PDE3A: variants seen among roughly 807,000 people sequenced by gnomAD.
The protein encoded by PDE3A is cGMP-inhibited 3',5'-cyclic phosphodiesterase 3A.
PDE3A carries 43 observed loss-of-function variants against 98.3 expected under a neutral mutation model. The observed-to-expected ratio is 0.44, with a 90% CI of 0.34 to 0.56. The LOEUF is 0.56. Ranked by LOEUF, PDE3A falls within the 20% of genes least tolerant of loss-of-function variation. The pLI, the probability that PDE3A is intolerant of heterozygous loss-of-function variation, is 0.01. For missense variants in PDE3A, 1,427 were observed against 1,440.7 expected, an observed-to-expected ratio of 0.99 and a Z score of 0.15; for synonymous variants, 663 against 567.9, an observed-to-expected ratio of 1.17 and a Z score of -2.38.
chr12:20,540,187 C>A (rs181699354), intron 1 of PDE3A, among the ~76,000 whole-genome samples: 71 of 152,218 alleles, frequency 4.7e-4, no homozygotes, highest in African/African-American at 1.7e-3. Flanking sequence ...AGCACAGTTT[C>A]TCAGAGCCTC....
At chr12:20,535,231 T>C (rs111882003) in intron 1 of PDE3A, among the ~76,000 whole-genome samples, 5,980 of 152,304 alleles carry the variant, frequency 0.039, 189 homozygotes, top group Middle Eastern at 0.14. Flanking sequence ...CTAGGATTTC[T>C]CCTCATCCCT....
intron 5 of PDE3A, among the ~76,000 whole-genome samples, chr12:20,627,865 AC>A: frequency 1.3e-5 from 2 of 152,290 alleles, no homozygotes; most frequent in Admixed American, 1.3e-4. Context: ...TAAACTTTCT[AC>A]CACATCATAC....
intron 13 of PDE3A, 36 bp downstream of exon 13, chr12:20,648,927 C>CTT (rs71039963): frequency 0.26 from 233,090 of 879,656 alleles, 22,231 homozygotes; most frequent in South Asian, 0.29. Context: ...TTTTCTTTTT[C>CTT]TTTTTTTTTT....
At chr12:20,398,476 T>A (rs1944061195) in intron 1 of PDE3A, among the ~76,000 whole-genome samples, 2 of 152,064 alleles carry the variant, frequency 1.3e-5, no homozygotes, top group South Asian at 4.1e-4. Context: ...CTTGAGTTTC[T>A]GAGTTATAAA....
chr12:20,501,162 G>A (rs190991397), intron 1 of PDE3A, among the ~76,000 whole-genome samples: 3 of 152,248 alleles, frequency 2.0e-5, no homozygotes, highest in Admixed American at 6.5e-5. Flanking sequence ...AGGCATACAA[G>A]TTTTTTCTCT....
Position 20,369,326 on chromosome 12 carries a change from C to G in PDE3A, c.42C>G (p.Pro14=), listed in dbSNP as rs766124863. ...PGDAARVRDK[P]VHSGVSQAPT... Reference sequence around the variant, plus strand: ...ACGCTGCACGAGTCAGGGACAAGCCCGTCCACAGTGGGGTGAGTCAAGCCC... The same window carrying G: ...ACGCTGCACGAGTCAGGGACAAGCCGGTCCACAGTGGGGTGAGTCAAGCCC... The change falls in exon 1 of 16, where the codon CCC becomes CCG. Residue 14 remains proline, a synonymous_variant. Coordinates refer to ENST00000359062, the MANE Select transcript of PDE3A (RefSeq NM_000921.5). 1.2e-5 allele frequency: 18 copies of G among 1,546,694 alleles called. No individual in the cohort carries two copies. Among genetic ancestry groups the G allele is most frequent in the Non-Finnish European group, 1.4e-5 (16 of 1,145,166 alleles).
At chr12:20,385,342 G>A (rs528855734) in intron 1 of PDE3A, among the ~76,000 whole-genome samples, 38 of 152,094 alleles carry the variant, frequency 2.5e-4, no homozygotes, top group Admixed American at 7.2e-4. Flanking sequence ...CTGTTGGTGG[G>A]ACTGTAAACT....
chr12:20,556,602 G>T, intron 1 of PDE3A, 58 bp from the exon 2 acceptor site: 1 of 1,080,538 alleles, frequency 9.3e-7, no homozygotes, highest in Non-Finnish European at 1.4e-6. Flanking sequence ...AAATAAAGAA[G>T]AAAAATGTTT....
intron 1 of PDE3A, among the ~76,000 whole-genome samples, chr12:20,392,780 T>C (rs1239007799): frequency 1.3e-5 from 2 of 152,150 alleles, no homozygotes; most frequent in Non-Finnish European, 2.9e-5. Context: ...ATAAACACAA[T>C]GGAATACTAT....
intron 15 of PDE3A, among the ~76,000 whole-genome samples, chr12:20,660,448 CAGA>C (rs1428324756): frequency 6.6e-6 from 1 of 152,028 alleles, no homozygotes; most frequent in African/African-American, 2.4e-5. Context: ...TTGGAGGGCT[CAGA>C]AGAAGACAGG....
At chr12:20,431,536 G>C (rs753063978) in intron 1 of PDE3A, among the ~76,000 whole-genome samples, 3 of 151,718 alleles carry the variant, frequency 2.0e-5, no homozygotes, top group Admixed American at 2.0e-4. Context: ...AAATTCAATC[G>C]AAAGAATTAA....
chr12:20,636,930 C>G (rs1043904258), intron 8 of PDE3A, among the ~76,000 whole-genome samples, 170 bp from the exon 9 acceptor site: 1 of 152,114 alleles, frequency 6.6e-6, no homozygotes, highest in Non-Finnish European at 1.5e-5. Flanking sequence ...CTTACTTTGG[C>G]GTCAATGTCT....
intron 1 of PDE3A, among the ~76,000 whole-genome samples, chr12:20,467,666 G>A (rs1945362152): frequency 6.6e-6 from 1 of 151,978 alleles, no homozygotes; most frequent in Non-Finnish European, 1.5e-5. Context: ...GCCGGGCACG[G>A]TGGCTCCTGC....
chr12:20,513,729 A>G (rs1381939018), intron 1 of PDE3A, among the ~76,000 whole-genome samples: 1 of 152,170 alleles, frequency 6.6e-6, no homozygotes, highest in Non-Finnish European at 1.5e-5. Context: ...GGACCACACA[A>G]GCAGTTTTGA....
intron 15 of PDE3A, among the ~76,000 whole-genome samples, chr12:20,670,962 A>C (rs1264613807): frequency 8.0e-6 from 1 of 124,668 alleles, no homozygotes; most frequent in Non-Finnish European, 1.6e-5. Context: ...CAAGACTAAT[A>C]AAGAAAAAAA....
At chr12:20,468,825 A>C (rs1366892743) in intron 1 of PDE3A, among the ~76,000 whole-genome samples, 1 of 152,208 alleles carries the variant, frequency 6.6e-6, no homozygotes, top group African/African-American at 2.4e-5. Context: ...TGGAAGAGCC[A>C]CTAAGCATCC....
intron 14 of PDE3A, among the ~76,000 whole-genome samples, chr12:20,650,826 G>A (rs1944899129): frequency 6.6e-6 from 1 of 151,748 alleles, no homozygotes. Flanking sequence ...AAGCATTTGG[G>A]GGAAGAAGAT....
At chr12:20,499,277 C>T (rs1489325746) in intron 1 of PDE3A, among the ~76,000 whole-genome samples, 1 of 152,242 alleles carries the variant, frequency 6.6e-6, no homozygotes, top group South Asian at 2.1e-4. Context: ...TCATTGGCTA[C>T]TGTGGACTTG....
chr12:20,637,006 C>A, intron 8 of PDE3A, 94 bp from the exon 9 acceptor site: 1 of 771,946 alleles, frequency 1.3e-6, no homozygotes. Flanking sequence ...CATTTATTTC[C>A]GATAGCCACA....
Sources: gnomAD v4.1 joint callset for allele counts (sites outside exome capture counted in the v4.1 genomes callset) on GRCh38, gnomAD v4.1.1 for gene constraint, MANE v1.5 for transcripts, NCBI Gene and HGNC (gene_info 2026-07-23, HGNC 2026-07-21) for gene names.